Variants in DTWD2 observed in about 807,000 individuals in gnomAD.
The protein encoded by DTWD2 is tRNA-uridine aminocarboxypropyltransferase 2.
DTWD2 carries 39 observed loss-of-function variants against 31.8 expected under a neutral mutation model. That is an observed-to-expected ratio of 1.22 (90% CI 0.95 to 1.60). DTWD2 has a LOEUF of 1.60. Among genes scored for constraint, DTWD2 ranks in the 40% most tolerant of loss-of-function variants. The pLI is 0.00. For synonymous variants in DTWD2, 180 were observed against 142.8 expected (o/e 1.26, Z -1.86); for missense variants, 515 against 381.5 (o/e 1.35, Z -2.92).
intron 4 of DTWD2, among the ~76,000 whole-genome samples, chr5:118,893,452 G>A (rs1420993814): frequency 6.6e-6 from 1 of 151,102 alleles, no homozygotes; most frequent in Non-Finnish European, 1.5e-5. Context: ...TGCAATAGAG[G>A]AAAAATAAAC....
intron 1 of DTWD2, among the ~76,000 whole-genome samples, chr5:118,972,786 T>C (rs919811443): frequency 2.0e-5 from 3 of 152,192 alleles, no homozygotes; most frequent in Non-Finnish European, 4.4e-5. Flanking sequence ...ATGATCAAGT[T>C]GGCTTCATCC....
At chr5:118,939,827 G>A (rs1754141173) in intron 2 of DTWD2, among the ~76,000 whole-genome samples, 1 of 152,054 alleles carries the variant, frequency 6.6e-6, no homozygotes, top group Non-Finnish European at 1.5e-5. Flanking sequence ...AGCTCCCAAT[G>A]GCTAAAATTG....
intron 3 of DTWD2, among the ~76,000 whole-genome samples, chr5:118,936,480 A>G (rs1754048089): frequency 6.6e-6 from 1 of 151,956 alleles, no homozygotes. Context: ...AAAAAAAAAA[A>G]GGAAAAATTT....
At chr5:118,855,854 G>A (rs971206022) in intron 4 of DTWD2, among the ~76,000 whole-genome samples, 3 of 152,006 alleles carry the variant, frequency 2.0e-5, no homozygotes, top group Non-Finnish European at 4.4e-5. Context: ...CAGAGAAAAC[G>A]ACTATTTACT....
chr5:118,878,801 AG>A (rs1752674975), intron 4 of DTWD2, among the ~76,000 whole-genome samples: 1 of 152,158 alleles, frequency 6.6e-6, no homozygotes, highest in Non-Finnish European at 1.5e-5. Flanking sequence ...CAAATTCACA[AG>A]AAAAAAAAAT....
rs147049393 is a variant in DTWD2 at position 118,946,879 on chromosome 5, T to C, written c.219-2230A>G. 6.7e-3 allele frequency among the ~76,000 whole-genome samples: 1,021 copies of C among 152,308 alleles called. 30 individuals carry two copies. The highest frequency in any genetic ancestry group is 0.055 in the Admixed American group (847 of 15,304). On this transcript the variant is annotated intron_variant, in intron 1 of 5. Coordinates refer to ENST00000510708, the MANE Select transcript of DTWD2 (RefSeq NM_173666.4). Reference sequence around the variant, plus strand: ...TCTCACCCTCCTGAATAGCTGAGATTACAGGCACACATCACCATGTCCAGC... The same window carrying C: ...TCTCACCCTCCTGAATAGCTGAGATCACAGGCACACATCACCATGTCCAGC...
chr5:118,889,866 C>A (rs1436723922), intron 4 of DTWD2, among the ~76,000 whole-genome samples: 2 of 152,066 alleles, frequency 1.3e-5, no homozygotes, highest in Middle Eastern at 3.4e-3. Context: ...CTTAGCTATC[C>A]CCTAAAACTC....
chr5:118,928,456 T>C (rs959554933), intron 4 of DTWD2, 81 bp downstream of exon 4: 4 of 978,560 alleles, frequency 4.1e-6, no homozygotes, highest in Non-Finnish European at 5.4e-6. Flanking sequence ...TAAAAATCTA[T>C]GTGTATCCCT....
intron 1 of DTWD2, among the ~76,000 whole-genome samples, chr5:118,955,789 C>T (rs1051046809): frequency 5.3e-5 from 8 of 151,182 alleles, no homozygotes; most frequent in African/African-American, 1.9e-4. Context: ...CAGCAAGACC[C>T]CTATCTCTTA....
At chr5:118,904,711 T>C (rs1441765879) in intron 4 of DTWD2, among the ~76,000 whole-genome samples, 3 of 151,910 alleles carry the variant, frequency 2.0e-5, no homozygotes, top group African/African-American at 7.3e-5. Flanking sequence ...AGAGGGAGAA[T>C]ATGGCAAGAA....
intron 1 of DTWD2, chr5:118,973,787 T>G: frequency 1.2e-6 from 2 of 1,611,442 alleles, no homozygotes; most frequent in Non-Finnish European, 1.7e-6. Flanking sequence ...ATCACCGGCG[T>G]GCCCCACCAT....
At chr5:118,945,282 A>G (rs1048147980) in intron 1 of DTWD2, among the ~76,000 whole-genome samples, 2 of 151,962 alleles carry the variant, frequency 1.3e-5, no homozygotes, top group African/African-American at 4.8e-5. Context: ...TGTTTAGGTA[A>G]CTCTTACACA....
intron 5 of DTWD2, among the ~76,000 whole-genome samples, chr5:118,841,855 T>A (rs919420244): frequency 1.3e-5 from 2 of 151,738 alleles, no homozygotes; most frequent in African/African-American, 4.8e-5. Flanking sequence ...AGACCCCTGA[T>A]GAAGATATTT....
At chr5:118,924,612 G>C (rs770401356) in intron 4 of DTWD2, among the ~76,000 whole-genome samples, 1 of 152,094 alleles carries the variant, frequency 6.6e-6, no homozygotes, top group East Asian at 1.9e-4. Flanking sequence ...CTAAAAATGT[G>C]AACAGGCAAT....
At chr5:118,904,313 A>G (rs1313602009) in intron 4 of DTWD2, among the ~76,000 whole-genome samples, 1 of 152,130 alleles carries the variant, frequency 6.6e-6, no homozygotes, top group Admixed American at 6.5e-5. Context: ...AACATATACC[A>G]ATAACATCCT....
chr5:118,931,175 T>C (rs1036276313), intron 3 of DTWD2, among the ~76,000 whole-genome samples: 7 of 152,042 alleles, frequency 4.6e-5, no homozygotes, highest in African/African-American at 1.7e-4. Context: ...GGAGCACTGC[T>C]TAAGCCCAAG....
chr5:118,933,478 G>A (rs1753970290), intron 3 of DTWD2, among the ~76,000 whole-genome samples: 1 of 152,000 alleles, frequency 6.6e-6, no homozygotes, highest in African/African-American at 2.4e-5. Context: ...TTTATTACAG[G>A]GATGGAAGGT....
At chr5:118,983,861 A>G (rs538482206) in intron 1 of DTWD2, among the ~76,000 whole-genome samples, 3 of 152,328 alleles carry the variant, frequency 2.0e-5, no homozygotes, top group African/African-American at 7.2e-5. Context: ...ATTTAAAAGC[A>G]AACAGTAGCT....
At chr5:118,962,356 C>T (rs1424065214) in intron 1 of DTWD2, among the ~76,000 whole-genome samples, 2 of 152,040 alleles carry the variant, frequency 1.3e-5, no homozygotes, top group Admixed American at 6.6e-5. Context: ...GATTTTGATG[C>T]CTTTCCCCTA....
Sources: gnomAD v4.1 joint callset for allele counts (sites outside exome capture counted in the v4.1 genomes callset) on GRCh38, gnomAD v4.1.1 for gene constraint, MANE v1.5 for transcripts, NCBI Gene and HGNC (gene_info 2026-07-23, HGNC 2026-07-21) for gene names.